Variants in PIH1D2 observed in about 807,000 individuals in gnomAD.
PIH1D2 encodes the protein PIH1 domain containing 2.
In PIH1D2, 25 loss-of-function variants were observed where a neutral mutation model predicts 31.2. That is an observed-to-expected ratio of 0.80 (90% CI 0.58 to 1.12). PIH1D2 has a LOEUF of 1.12. Among genes scored for constraint, PIH1D2 ranks in the 50% most tolerant of loss-of-function variants. The probability of loss-of-function intolerance (pLI) is 0.00; values close to 1 mark genes in which losing one functional copy is unlikely to be tolerated. For missense variants in PIH1D2, 310 were observed against 356.6 expected (o/e 0.87, Z 1.05); for synonymous variants, 116 against 119.9 (o/e 0.97, Z 0.21).
chr11:112,058,632 G>T (rs1454675943), downstream of PIH1D2, among the ~76,000 whole-genome samples: 11 of 128,794 alleles, frequency 8.5e-5, no homozygotes, highest in Admixed American at 1.5e-4. Context: ...GGGTGGGGGG[G>T]GGGAATCACC....
At chr11:112,067,630 C>G (rs1316065785), downstream of PIH1D2, among the ~76,000 whole-genome samples, 1 of 112,514 alleles carries the variant, frequency 8.9e-6, no homozygotes, top group African/African-American at 3.3e-5. Context: ...CCACTGCACT[C>G]CAGCCTGGGC....
chr11:112,070,334 A>G, intron 5 of PIH1D2, 102 bp downstream of exon 5: 1 of 1,391,722 alleles, frequency 7.2e-7, no homozygotes, highest in Non-Finnish European at 9.8e-7. Context: ...ACCTGAGCAA[A>G]TCATTGTAAG....
At chr11:112,059,981 A>G, downstream of PIH1D2, 2 of 1,613,954 alleles carry the variant, frequency 1.2e-6, no homozygotes, top group Non-Finnish European at 1.7e-6. Flanking sequence ...ATGCACATAT[A>G]AAAGGAGTGG....
Position 112,071,282 on chromosome 11 carries a change from A to G in PIH1D2, c.303T>C (p.Asp101=), listed in dbSNP as rs1211873492. The change falls in exon 4 of 6, where the codon GAT becomes GAC. Residue 101 remains aspartate, a splice_region_variant and synonymous_variant. Transcript: ENST00000280350. ...GKPEDTTEIS[D]AYTVIDVAYN... Reference sequence around the variant, plus strand: ...AGGCAACATCAATGACTGTGTAAGCATCTGTGTGTGTAATTGAAAGGGTAT... The same window carrying G: ...AGGCAACATCAATGACTGTGTAAGCGTCTGTGTGTGTAATTGAAAGGGTAT... 3 of 1,609,476 alleles carry G rather than the reference A, an allele frequency of 1.9e-6. No homozygotes were observed. Among genetic ancestry groups the G allele is most frequent in the Non-Finnish European group, 2.5e-6 (3 of 1,177,576 alleles).
downstream of PIH1D2, among the ~76,000 whole-genome samples, chr11:112,062,061 TGTATA>T (rs1273245066): frequency 2.6e-5 from 4 of 152,312 alleles, no homozygotes; most frequent in South Asian, 6.2e-4. Flanking sequence ...TTTTTTTAGT[TGTATA>T]GTAAGTATTT....
At chr11:112,072,547 C>T (rs587606006) in intron 2 of PIH1D2, among the ~76,000 whole-genome samples, 103 of 44,176 alleles carry the variant, frequency 2.3e-3, no homozygotes, top group Non-Finnish European at 3.1e-3. Context: ...AAGACCCTAT[C>T]TCAAAAAAAA....
downstream of PIH1D2, among the ~76,000 whole-genome samples, chr11:112,058,563 A>C (rs1160414210): frequency 1.5e-5 from 2 of 130,942 alleles, no homozygotes; most frequent in African/African-American, 5.8e-5. Flanking sequence ...CAAGGAGACC[A>C]CGGATAAAAT....
downstream of PIH1D2, among the ~76,000 whole-genome samples, chr11:112,065,752 G>A (rs971247513): frequency 2.0e-5 from 3 of 152,080 alleles, no homozygotes; most frequent in East Asian, 1.9e-4. Context: ...AGGCCGAGGC[G>A]GGCAGATCAC....
intron 2 of PIH1D2, 182 bp downstream of exon 2, chr11:112,072,816 A>G (rs1423675913): frequency 1.6e-6 from 1 of 611,840 alleles, no homozygotes; most frequent in African/African-American, 1.9e-5. Context: ...GCGAGCCAAG[A>G]CCACACCATT....
chr11:112,073,433 T>C (rs1865212015), intron 1 of PIH1D2, among the ~76,000 whole-genome samples: 1 of 152,142 alleles, frequency 6.6e-6, no homozygotes, highest in Non-Finnish European at 1.5e-5. Flanking sequence ...TACTTCTATT[T>C]GGACCCTGAC....
downstream of PIH1D2, among the ~76,000 whole-genome samples, chr11:112,058,360 C>T (rs1327451420): frequency 3.3e-5 from 5 of 152,090 alleles, no homozygotes; most frequent in African/African-American, 9.7e-5. Flanking sequence ...GAGCAGGTTC[C>T]TGTGTTTGTT....
the PIH1D2 span, among the ~76,000 whole-genome samples, chr11:112,057,808 C>A: frequency 6.6e-6 from 1 of 150,804 alleles, no homozygotes; most frequent in Non-Finnish European, 1.5e-5. Context: ...CGGCAGCCAT[C>A]AACATCAAGG....
At chr11:112,059,950 T>C, downstream of PIH1D2, 1 of 1,613,694 alleles carries the variant, frequency 6.2e-7, no homozygotes, top group Non-Finnish European at 8.5e-7. Flanking sequence ...CCTGCAGGAC[T>C]CATCACACCT....
At chr11:112,071,841 C>G in intron 2 of PIH1D2, 83 bp from the exon 3 acceptor site, 2 of 1,501,328 alleles carry the variant, frequency 1.3e-6, no homozygotes, top group Admixed American at 1.8e-5. Flanking sequence ...GCCTGTAATC[C>G]GAGCACTTTG....
downstream of PIH1D2, chr11:112,067,775 T>C: frequency 7.2e-7 from 1 of 1,394,718 alleles, no homozygotes; most frequent in Non-Finnish European, 9.6e-7. Flanking sequence ...ATGGAATTGG[T>C]GTTTAAGATA....
chr11:112,064,842 A>ATT (rs11412850), downstream of PIH1D2, among the ~76,000 whole-genome samples: 1,650 of 134,902 alleles, frequency 0.012, 34 homozygotes, highest in African/African-American at 0.034. Context: ...TGGTCTCCAA[A>ATT]TTTTTTTTTT....
In PIH1D2 at chr11:112,071,052, T is replaced by C. The variant is rs782520941; in HGVS notation, c.533A>G (p.Glu178Gly). The C allele has an allele frequency of 6.2e-7, 1 of 1,612,510 alleles. No homozygotes were observed. Among genetic ancestry groups the C allele is most frequent in the South Asian group, 1.1e-5 (1 of 90,644 alleles). ...CATCAACTTACCCCTTCTCATTTTT[T>C]CTCTTAAATCTATGGAATCAGTTTG... ...GIQTDSIDLREKMRRELTLGQ... is the reference protein window; with the variant it reads ...GIQTDSIDLRGKMRRELTLGQ... Residue 178 changes from glutamate to glycine, a missense_variant, in exon 4 of 6, where the codon GAA becomes GGA. Transcript: ENST00000280350.
In PIH1D2 at chr11:112,070,050, A is replaced by ACTGACTCTAACTATTTGCTCTT. The variant is rs141040643; in HGVS notation, c.813+364_813+385dup. 8.1e-3 allele frequency: 2,521 copies of ACTGACTCTAACTATTTGCTCTT among 310,976 alleles called. 18 individuals carry two copies. Among genetic ancestry groups the ACTGACTCTAACTATTTGCTCTT allele is most frequent in the Admixed American group, 0.017 (384 of 22,206 alleles). The allele number at this position is 310,976 out of a possible 1,614,324, so 19.3% of individuals were successfully genotyped here. A position where few individuals can be genotyped will look rare whatever the true frequency, so the allele number is the denominator to read the frequency against. ...AGAGTGTAGACTGGTAGACTGTAGGACTGACTCTAACTATTTGCTCTTCTG... is the reference window on the plus strand; with the variant it reads ...AGAGTGTAGACTGGTAGACTGTAGGACTGACTCTAACTATTTGCTCTTCTGACTCTAACTATTTGCTCTTCTG... On this transcript the variant is annotated intron_variant, in intron 5 of 5. Transcript: ENST00000280350.
chr11:112,072,549 CAAAAAAAAAAAAAAA>C (rs148760956), intron 2 of PIH1D2, among the ~76,000 whole-genome samples: 2 of 36,340 alleles, frequency 5.5e-5, no homozygotes. Context: ...GACCCTATCT[CAAAAAAAAAAAAAAA>C]AAAAAAAAAA....
Sources: gnomAD v4.1 joint callset for allele counts (sites outside exome capture counted in the v4.1 genomes callset) on GRCh38, gnomAD v4.1.1 for gene constraint, MANE v1.5 for transcripts, NCBI Gene and HGNC (gene_info 2026-07-23, HGNC 2026-07-21) for gene names.